The following DNAH12 variants were observed in gnomAD, a reference collection of about 807,000 sequenced individuals.
The protein encoded by DNAH12 is axonemal beta dynein heavy chain 12.
Under a neutral mutation model 371.5 loss-of-function variants are expected in DNAH12, and 285 were observed. That is an observed-to-expected ratio of 0.77 (90% confidence interval 0.70 to 0.85). The LOEUF (loss-of-function observed/expected upper bound fraction) is 0.85. DNAH12 is among the 40% of genes least tolerant of loss of function. The pLI is 0.00. For missense variants in DNAH12, 3,611 were observed against 3,689.4 expected (o/e 0.98, Z 0.55); for synonymous variants, 1,200 against 1,213.0 (o/e 0.99, Z 0.22).
intron 4 of DNAH12, among the ~76,000 whole-genome samples, chr3:57,515,589 G>A (rs1047379376): frequency 1.4e-4 from 21 of 151,900 alleles, no homozygotes; most frequent in South Asian, 4.1e-4. Context: ...CAGCCTGGGC[G>A]ACAGAGCAAA....
chr3:57,468,738 T>A lies in DNAH12; in HGVS notation c.2347A>T (p.Lys783Ter), dbSNP rs1223373763. 1 of 1,422,822 alleles carries A rather than the reference T, an allele frequency of 7.0e-7. No homozygotes were observed. The allele number at this position is 1,422,822 out of a possible 1,614,324, so 88.1% of individuals were successfully genotyped here. A position where few individuals can be genotyped will look rare whatever the true frequency, so the allele number is the denominator to read the frequency against. Residue 783 changes from lysine to a stop codon, truncating the protein, a stop_gained and splice_region_variant, in exon 17 of 74, where the codon AAG becomes TAG. Coordinates refer to ENST00000495027, the MANE Select transcript of DNAH12 (RefSeq NM_001366028.2). LOFTEE classifies it high-confidence loss of function. ...STVMEQIKAFKEYIPTVSILC... is the reference protein window; with the variant it reads ...STVMEQIKAF The stretch of plus-strand genomic sequence containing the variant: ...AATGTTATTATATATATTTATACCT[T>A]AAAAGCTTTTATCTGTTCCATGACT...
At chr3:57,439,158 T>C (rs1182109170) in intron 29 of DNAH12, among the ~76,000 whole-genome samples, 4 of 152,098 alleles carry the variant, frequency 2.6e-5, no homozygotes, top group Non-Finnish European at 5.9e-5. Flanking sequence ...TCAATGCTAC[T>C]CCTATCAAGC....
intron 28 of DNAH12, 130 bp from the exon 29 acceptor site, chr3:57,444,946 GC>G (rs1294988552): frequency 8.7e-5 from 82 of 944,688 alleles, no homozygotes; most frequent in Admixed American, 3.7e-4. Flanking sequence ...ATTTTACATT[GC>G]TCTCTGGAAT....
chr3:57,307,546 C>A (rs1316183795), intron 69 of DNAH12, among the ~76,000 whole-genome samples: 1 of 152,218 alleles, frequency 6.6e-6, no homozygotes, highest in Non-Finnish European at 1.5e-5. Flanking sequence ...CACCCTAATA[C>A]TTTTAGAGGC....
At chr3:57,485,521 C>G (rs943165564) in intron 12 of DNAH12, among the ~76,000 whole-genome samples, 1 of 151,956 alleles carries the variant, frequency 6.6e-6, no homozygotes. Flanking sequence ...CCTGCCTCAG[C>G]CTCCCGAGTA....
chr3:57,311,083 G>A (rs984724326), intron 66 of DNAH12, 133 bp from the exon 67 acceptor site: 29 of 715,432 alleles, frequency 4.1e-5, no homozygotes, highest in Non-Finnish European at 6.4e-5. Flanking sequence ...AGCTGAGATT[G>A]TTAGTTTTTT....
At chr3:57,299,553 ATGTT>A (rs1273691310) in intron 70 of DNAH12, among the ~76,000 whole-genome samples, 2 of 152,046 alleles carry the variant, frequency 1.3e-5, no homozygotes, top group Non-Finnish European at 2.9e-5. Flanking sequence ...TATGGACTGA[ATGTT>A]TGTTTTCCTC....
intron 59 of DNAH12, among the ~76,000 whole-genome samples, chr3:57,355,856 C>T (rs2062785095): frequency 2.0e-5 from 3 of 152,124 alleles, no homozygotes; most frequent in South Asian, 2.1e-4. Context: ...TGGCTCAAGT[C>T]GTATTTTTAT....
intron 11 of DNAH12, chr3:57,493,631 T>G (rs2067207828): frequency 1.3e-5 from 2 of 152,086 alleles, no homozygotes; most frequent in Non-Finnish European, 2.9e-5. Context: ...AAAAAACACA[T>G]AGTCGTCTCA....
chr3:57,359,559 CAA>C (rs1268515074), intron 58 of DNAH12, among the ~76,000 whole-genome samples: 6 of 72,106 alleles, frequency 8.3e-5, no homozygotes, highest in Non-Finnish European at 1.4e-4. Context: ...AACTCCATCT[CAA>C]AAAAAAAAAA....
rs1269285340 is a variant in DNAH12, at chr3:57,462,857, A to C, written c.2368T>G (p.Ser790Ala). 5.8e-6 allele frequency: 9 copies of C among 1,551,220 alleles called. No homozygotes were observed. The Admixed American group carries it at 1.8e-4, about 30-fold the overall frequency. Reference sequence around the variant, plus strand: ...CTCATTCCTGGATTGCACAGAATGGAGACAGTAGGAATATATTCCTAATGG... The same window carrying C: ...CTCATTCCTGGATTGCACAGAATGGCGACAGTAGGAATATATTCCTAATGG... ...KAFKEYIPTV[S>A]ILCNPGMRAR... Residue 790 changes from serine (S) to alanine (A), a missense_variant, in exon 18 of 74, where the codon TCC (serine) becomes GCC (alanine). Physicochemically the swap from Ser to Ala is moderately conservative, Grantham distance 99. Transcript: ENST00000495027.
At chr3:57,387,628 C>A (rs1308078059) in intron 45 of DNAH12, among the ~76,000 whole-genome samples, 1 of 152,120 alleles carries the variant, frequency 6.6e-6, no homozygotes, top group Non-Finnish European at 1.5e-5. Flanking sequence ...ATATACCCAG[C>A]TAAAAGACTA....
At chr3:57,520,934 C>T (rs1179597390) in intron 4 of DNAH12, among the ~76,000 whole-genome samples, 2 of 151,190 alleles carry the variant, frequency 1.3e-5, no homozygotes, top group Non-Finnish European at 2.9e-5. Context: ...GTCTAATTTA[C>T]TGAGTTTTAA....
intron 55 of DNAH12, among the ~76,000 whole-genome samples, chr3:57,373,913 A>G (rs1305388825): frequency 4.6e-5 from 7 of 152,246 alleles, no homozygotes; most frequent in African/African-American, 1.4e-4. Context: ...TATTAAAACA[A>G]TACTGTCAAT....
chr3:57,417,927 G>T (rs1203538245), intron 37 of DNAH12, among the ~76,000 whole-genome samples: 3 of 152,086 alleles, frequency 2.0e-5, no homozygotes, highest in African/African-American at 7.2e-5. Context: ...AAGGTGGATG[G>T]ATCATTTGAG....
chr3:57,495,205 A>G (rs2067265676), intron 11 of DNAH12, among the ~76,000 whole-genome samples: 1 of 152,212 alleles, frequency 6.6e-6, no homozygotes, highest in East Asian at 1.9e-4. Flanking sequence ...ACTTCTCAAT[A>G]AAGTTGTTTT....
the DNAH12 span, among the ~76,000 whole-genome samples, chr3:57,550,681 T>A: frequency 6.9e-6 from 1 of 144,962 alleles, no homozygotes; most frequent in Non-Finnish European, 1.5e-5. Flanking sequence ...CCCAGCTAAA[T>A]TTTTTTTTTT....
At chr3:57,321,784 C>T (rs766925856) in intron 65 of DNAH12, among the ~76,000 whole-genome samples, 7 of 152,142 alleles carry the variant, frequency 4.6e-5, no homozygotes, top group Non-Finnish European at 8.8e-5. Flanking sequence ...ATACTTTTCC[C>T]TGTTTCTCAA....
At chr3:57,457,683 C>A in intron 22 of DNAH12, 38 bp downstream of exon 22, 2 of 1,486,108 alleles carry the variant, frequency 1.3e-6, no homozygotes, top group Non-Finnish European at 9.0e-7. Flanking sequence ...AAAGCATTTG[C>A]AGAATATAGG....
Sources: allele counts gnomAD v4.1 joint callset (sites outside exome capture counted in the v4.1 genomes callset), GRCh38; gene constraint gnomAD v4.1.1; transcripts MANE v1.5; gene names NCBI Gene and HGNC (gene_info 2026-07-23, HGNC 2026-07-21).